Variants in HEATR6 observed in about 807,000 individuals in gnomAD.
The protein encoded by HEATR6 is HEAT repeat-containing protein 6.
A neutral mutation model predicts 132.8 loss-of-function variants in HEATR6; 106 were observed. The observed-to-expected ratio is 0.80, with a 90% confidence interval of 0.68 to 0.94. The LOEUF is 0.94. Ranked by LOEUF, HEATR6 falls within the 40% of genes least tolerant of loss-of-function variation. The pLI is 0.00. For missense variants in HEATR6, 1,339 were observed against 1,425.1 expected, an observed-to-expected ratio of 0.94 and a Z score of 0.97; for synonymous variants, 529 against 537.8, an observed-to-expected ratio of 0.98 and a Z score of 0.23.
rs1231882197 is a variant in HEATR6 at position 60,046,360 on chromosome 17, G to T, written c.2770-131C>A. The T allele has an allele frequency of 6.4e-6, 4 of 626,504 alleles. No individual in the cohort carries two copies. The East Asian group carries it at 1.1e-4, about 17-fold the overall frequency. The allele number at this position is 626,504 out of a possible 1,614,324, so 38.8% of individuals were successfully genotyped here. On this transcript the variant is annotated intron_variant, in intron 18 of 19. Coordinates refer to ENST00000184956, the MANE Select transcript of HEATR6 (RefSeq NM_022070.5). ...CAAGTCCTTGGAACTCACAAGGTCT[G>T]CTCTGGTTAACATCCTGAGCCATCA...
intron 8 of HEATR6, among the ~76,000 whole-genome samples, 172 bp from the exon 9 acceptor site, chr17:60,066,558 C>T (rs991430092): frequency 6.6e-6 from 1 of 152,044 alleles, no homozygotes; most frequent in African/African-American, 2.4e-5. Context: ...TTCTTTCAAA[C>T]TACAATCAAA....
At chr17:60,046,305 A>G in intron 18 of HEATR6, 76 bp from the exon 19 acceptor site, 1 of 1,216,600 alleles carries the variant, frequency 8.2e-7, no homozygotes, top group East Asian at 2.4e-5. Context: ...CAGCTTTAAA[A>G]AAACCCAGGA....
chr17:60,074,097 T>C (rs2083284820), intron 2 of HEATR6: 1 of 1,268,236 alleles, frequency 7.9e-7, no homozygotes, highest in Non-Finnish European at 9.9e-7. Context: ...TTCTTCCTCT[T>C]TAGTAAAGTA....
chr17:60,056,290 T>C, intron 12 of HEATR6, 53 bp from the exon 13 acceptor site: 3 of 1,532,856 alleles, frequency 2.0e-6, no homozygotes, highest in Non-Finnish European at 2.6e-6. Context: ...AAGGCTGCAA[T>C]ATCCAGAAAA....
At chr17:60,077,252 T>C (rs1337677553) in intron 1 of HEATR6, among the ~76,000 whole-genome samples, 1 of 152,094 alleles carries the variant, frequency 6.6e-6, no homozygotes, top group Non-Finnish European at 1.5e-5. Context: ...TGGAATGATT[T>C]GAAGGATGAG....
At chr17:60,052,702 C>T (rs1045864664) in intron 14 of HEATR6, among the ~76,000 whole-genome samples, 1 of 152,192 alleles carries the variant, frequency 6.6e-6, no homozygotes, top group African/African-American at 2.4e-5. Flanking sequence ...ACCACCAACA[C>T]TGAGCTAATT....
chr17:60,063,783 A>G (rs1194923883), intron 9 of HEATR6: 1 of 152,298 alleles, frequency 6.6e-6, no homozygotes, highest in Non-Finnish European at 1.5e-5. Context: ...AAAACTAATC[A>G]CTAAGCACTT....
intron 1 of HEATR6, 62 bp downstream of exon 1, chr17:60,078,634 C>T: frequency 7.5e-7 from 1 of 1,330,234 alleles, no homozygotes; most frequent in Non-Finnish European, 1.0e-6. Flanking sequence ...CAGGCAGAGG[C>T]CACCAGCTGG....
At chr17:60,064,031 C>T (rs1268979134) in intron 9 of HEATR6, 2 of 152,236 alleles carry the variant, frequency 1.3e-5, no homozygotes, top group Admixed American at 6.5e-5. Flanking sequence ...CCCACTGGGC[C>T]GGGTGCGGTG....
chr17:60,070,834 G>T (rs1438679114), intron 5 of HEATR6, 27 bp from the exon 6 acceptor site: 1 of 1,207,306 alleles, frequency 8.3e-7, no homozygotes. Context: ...GACCCAGTTA[G>T]AAGGCAGAAT....
At chr17:60,049,178 G>A (rs907276325) in intron 16 of HEATR6, among the ~76,000 whole-genome samples, 4 of 147,356 alleles carry the variant, frequency 2.7e-5, no homozygotes, top group Non-Finnish European at 4.4e-5. Context: ...ACCCAGGCTG[G>A]AGTGCAGTGG....
At chr17:60,072,377 G>T (rs1218699860) in intron 4 of HEATR6, 48 bp from the exon 5 acceptor site, 1 of 1,104,830 alleles carries the variant, frequency 9.1e-7, no homozygotes, top group Non-Finnish European at 1.4e-6. Context: ...CCTTTAAAAT[G>T]AGGCTTGCAA....
chr17:60,078,765 G>A lies in HEATR6; in HGVS notation c.150C>T (p.Thr50=). 6.4e-7 allele frequency: 1 copy of A among 1,574,112 alleles called. No individual in the cohort carries two copies. The highest frequency in any genetic ancestry group is 1.2e-5 in the South Asian group (1 of 85,310). ...LRPDDSSSAR[T]EIHLLFDQLI... ...GCTGATCGAAGAGCAGGTGGATCTC[G>A]GTGCGGGCGGAGCTGCTGTCATCCG... The change falls in exon 1 of 20, where the codon ACC becomes ACT. Residue 50 remains threonine (T), a synonymous_variant. Coordinates refer to ENST00000184956, the MANE Select transcript of HEATR6 (RefSeq NM_022070.5).
At chr17:60,066,106 A>C (rs1370800474) in intron 9 of HEATR6, 103 bp downstream of exon 9, 2 of 995,482 alleles carry the variant, frequency 2.0e-6, no homozygotes, top group East Asian at 5.0e-5. Flanking sequence ...GGTCAGTGTT[A>C]CTAAGAGCTA....
In HEATR6 at chr17:60,050,887, C is replaced by A. The variant is rs1324551794; in HGVS notation, c.2380G>T (p.Asp794Tyr). The A allele has an allele frequency of 6.2e-7, 1 of 1,614,206 alleles. No individual in the cohort carries two copies. Among genetic ancestry groups the A allele is most frequent in the Admixed American group, 1.7e-5 (1 of 60,026 alleles). Residue 794 changes from aspartate (D) to tyrosine (Y), a missense_variant, in exon 15 of 20, where the codon GAT becomes TAT. Physicochemically the swap from Asp to Tyr is radical, Grantham distance 160. Transcript: ENST00000184956. ...TCTGGCAAGATGGAAGACAGGGCAT[C>A]ACAGGCGCTCGCCTGGAGAGTTGGG... The part of the protein sequence containing the change: ...EHPTLQASAC[D>Y]ALSSILPEAF...
intron 2 of HEATR6, among the ~76,000 whole-genome samples, chr17:60,074,716 C>A (rs1180473828): frequency 6.6e-6 from 1 of 152,186 alleles, no homozygotes; most frequent in Non-Finnish European, 1.5e-5. Flanking sequence ...CCTGGGGCAA[C>A]CTTAACCCCC....
Position 60,049,655 on chromosome 17 carries a change from G to A in HEATR6, c.2472C>T (p.Asp824=), listed in dbSNP as rs1906515372. ...CAGCTTTCACTAAGCGATTCTTGCT[G>A]TCATTCAGCCCGAGCAGCACTGTGA... ...LCITVLLGLN[D]SKNRLVKAAT... is the part of the protein sequence containing the mutation. Residue 824 remains aspartate, a synonymous_variant, in exon 16 of 20, where the codon GAC becomes GAT. Transcript: ENST00000184956. 4 of 1,613,826 alleles carry A rather than the reference G, an allele frequency of 2.5e-6. No individual in the cohort carries two copies. Among genetic ancestry groups the A allele is most frequent in the African/African-American group, 1.3e-5 (1 of 75,032 alleles).
At chr17:60,055,659 G>A in intron 13 of HEATR6, 58 bp from the exon 14 acceptor site, 2 of 1,199,578 alleles carry the variant, frequency 1.7e-6, no homozygotes, top group South Asian at 2.6e-5. Context: ...GACTTCACTT[G>A]AGTAACACCT....
chr17:60,042,801 C>T lies in HEATR6; in HGVS notation c.*762G>A, dbSNP rs1906220113. 1.7e-5 allele frequency among the ~76,000 whole-genome samples: 1 copy of T among 57,716 alleles called. No individual in the cohort carries two copies. Among genetic ancestry groups the T allele is most frequent in the South Asian group, 8.1e-4 (1 of 1,228 alleles). The allele number at this position is 57,716 out of a possible 152,430, so 37.9% of individuals were successfully genotyped here. ...CTGTGAGGCACCGTCAGCATCCTCG[C>T]GTCCTGTGTGGCTGTGAGGCACCGT... On this transcript the variant is annotated 3_prime_UTR_variant, in exon 20 of 20. Transcript: ENST00000184956.
Sources: allele counts gnomAD v4.1 joint callset (sites outside exome capture counted in the v4.1 genomes callset), GRCh38; gene constraint gnomAD v4.1.1; transcripts MANE v1.5; gene names NCBI Gene and HGNC (gene_info 2026-07-23, HGNC 2026-07-21).